Variants in SSX1 observed in about 807,000 individuals in gnomAD.
SSX1 encodes the protein protein SSX1.
SSX1 carries 58 observed loss-of-function variants against 14.6 expected under a neutral mutation model. The observed-to-expected ratio is 3.96, with a 90% CI of 3.21 to 4.93. The LOEUF is 4.93. Ranked by LOEUF, SSX1 falls within the 30% of genes most tolerant of loss-of-function variation. The pLI, the probability that SSX1 is intolerant of heterozygous loss-of-function variation, is 0.00. For synonymous variants in SSX1, 46 were observed against 52.1 expected (o/e 0.88, Z 0.50); for missense variants, 272 against 143.1 (o/e 1.90, Z -4.60).
Position 48,266,778 on chromosome X carries a change from C to A in SSX1, c.*5-76C>A, listed in dbSNP as rs782210114. 42 of 668,086 alleles carry A rather than the reference C, an allele frequency of 6.3e-5. 1 individual carries two copies. Among genetic ancestry groups the A allele is most frequent in the African/African-American group, 3.8e-4 (18 of 47,035 alleles). 55.1% of individuals were successfully genotyped at this position (668,086 alleles called of 1,213,427 possible). A position where few individuals can be genotyped will look rare whatever the true frequency, so the allele number is the denominator to read the frequency against. ...ATCAGAGTGTGCAGGGTCTGCAGGT[C>A]AGGAGGAGTTGAGGTTGAGTTATTG... On this transcript the variant is annotated intron_variant, in intron 7 of 7. Coordinates refer to ENST00000376919, the MANE Select transcript of SSX1 (RefSeq NM_005635.4).
At chrX:48,255,594 C>T (rs1283660513) in intron 1 of SSX1, among the ~76,000 whole-genome samples, 162 bp downstream of exon 1, 8 of 105,897 alleles carry the variant, frequency 7.6e-5, no homozygotes, top group Admixed American at 2.1e-4. Context: ...CCTCCCGCCT[C>T]GGCCTTGGGT....
intron 1 of SSX1, among the ~76,000 whole-genome samples, chrX:48,255,851 C>T (rs1242862178): frequency 2.5e-4 from 26 of 104,919 alleles, no homozygotes; most frequent in African/African-American, 8.4e-4. Context: ...GCAATCCTTC[C>T]GCCTCGGCCC....
intron 4 of SSX1, among the ~76,000 whole-genome samples, chrX:48,259,369 G>A (rs1474048338): frequency 2.7e-5 from 3 of 111,752 alleles, no homozygotes; most frequent in African/African-American, 6.5e-5. Context: ...GTTGAGATGC[G>A]ACTGAACTCA....
chrX:48,263,339 C>T (rs1308898242), intron 5 of SSX1, among the ~76,000 whole-genome samples: 1 of 110,646 alleles, frequency 9.0e-6, no homozygotes, highest in Non-Finnish European at 1.9e-5. Context: ...ATTCATCTCC[C>T]CACACCATCT....
chrX:48,257,869 A>G lies in SSX1; in HGVS notation c.184+9A>G. The G allele has an allele frequency of 9.2e-7, 1 of 1,090,691 alleles. No individual in the cohort carries two copies. The highest frequency in any genetic ancestry group is 1.9e-5 in the South Asian group (1 of 51,541). 89.9% of individuals were successfully genotyped at this position (1,090,691 alleles called of 1,213,427 possible). A position where few individuals can be genotyped will look rare whatever the true frequency, so the allele number is the denominator to read the frequency against. ...GGCCATGACTAAACTAGGTAACAGAAAGTTCTAGGAACAGACAAGTCTGGG... is the reference window on the plus strand; with the variant it reads ...GGCCATGACTAAACTAGGTAACAGAGAGTTCTAGGAACAGACAAGTCTGGG... On this transcript the variant is annotated intron_variant, in intron 3 of 7. Transcript: ENST00000376919.
intron 1 of SSX1, among the ~76,000 whole-genome samples, chrX:48,255,894 C>CTT (rs782152875): frequency 6.5e-5 from 5 of 77,515 alleles, no homozygotes; most frequent in African/African-American, 2.4e-4. Flanking sequence ...CCTGCCCATG[C>CTT]TTTTTTTTTT....
At chrX:48,263,027 A>G (rs1556935769) in intron 5 of SSX1, among the ~76,000 whole-genome samples, 1 of 110,348 alleles carries the variant, frequency 9.1e-6, no homozygotes, top group Non-Finnish European at 1.9e-5. Context: ...CTAGCTACTC[A>G]GGAGGCTGAG....
intron 4 of SSX1, among the ~76,000 whole-genome samples, chrX:48,259,493 C>T (rs1434782125): frequency 4.5e-5 from 5 of 110,441 alleles, no homozygotes; most frequent in Admixed American, 3.9e-4. Context: ...GGTACATGTG[C>T]ACAATGTGCA....
chrX:48,265,024 A>C (rs1422921488), intron 6 of SSX1, among the ~76,000 whole-genome samples: 1 of 111,872 alleles, frequency 8.9e-6, no homozygotes, highest in Non-Finnish European at 1.9e-5. Flanking sequence ...CTCAGCTTTC[A>C]TGGGCTTGAA....
intron 6 of SSX1, among the ~76,000 whole-genome samples, chrX:48,264,982 C>A (rs1231826854): frequency 8.9e-6 from 1 of 111,982 alleles, no homozygotes; most frequent in Admixed American, 9.5e-5. Context: ...CACAAACCAA[C>A]CTCTGCTAGT....
chrX:48,258,347 T>A (rs2059591375), intron 3 of SSX1, among the ~76,000 whole-genome samples, 189 bp from the exon 4 acceptor site: 1 of 108,102 alleles, frequency 9.3e-6, no homozygotes, highest in Non-Finnish European at 1.9e-5. Context: ...CATGCCTCCA[T>A]GCCCAACTAA....
rs781794997 is a variant in SSX1, at chrX:48,266,990, G to A, written c.*141G>A. The A allele has an allele frequency of 1.5e-4, 98 of 646,551 alleles. No individual in the cohort carries two copies. In the South Asian group the frequency reaches 2.1e-3, roughly 14 times the overall value. 53.3% of individuals were successfully genotyped at this position (646,551 alleles called of 1,213,427 possible). On this transcript the variant is annotated 3_prime_UTR_variant, in exon 8 of 8. Coordinates refer to ENST00000376919, the MANE Select transcript of SSX1 (RefSeq NM_005635.4). ...GTGTTCACAACGGTGAAACTTGAGC[G>A]TCATTTTTCTTAGTGTGCCAAGAGT... is the stretch of plus-strand genomic sequence containing the variant.
Position 48,266,260 on chromosome X carries a change from T to A in SSX1, c.467-27T>A, listed in dbSNP as rs782089182. On this transcript the variant is annotated intron_variant, in intron 6 of 7. Coordinates refer to ENST00000376919, the MANE Select transcript of SSX1 (RefSeq NM_005635.4). ...TAACACTCTTCAACGTACCCAACCC[T>A]CATCTTCCAACTCTTCTCCATCATA... is the stretch of plus-strand genomic sequence containing the variant. 13 of 1,207,812 alleles carry A rather than the reference T, an allele frequency of 1.1e-5. No individual in the cohort carries two copies. In the Admixed American group the frequency reaches 2.8e-4, roughly 26 times the overall value.
chrX:48,266,528 T>C, intron 7 of SSX1, 137 bp downstream of exon 7: 15 of 1,086,506 alleles, frequency 1.4e-5, no homozygotes, highest in Non-Finnish European at 1.9e-5. Flanking sequence ...TGAGGCTGAA[T>C]GATGAGATTT....
At chrX:48,255,678 C>T (rs2059578122) in intron 1 of SSX1, among the ~76,000 whole-genome samples, 1 of 101,788 alleles carries the variant, frequency 9.8e-6, no homozygotes, top group Non-Finnish European at 2.0e-5. Flanking sequence ...GTTATGTTGA[C>T]CAGGCTGGCC....
intron 5 of SSX1, among the ~76,000 whole-genome samples, chrX:48,262,811 C>T (rs781932583): frequency 3.7e-4 from 41 of 111,658 alleles, no homozygotes; most frequent in African/African-American, 1.2e-3. Flanking sequence ...ATGTATTATT[C>T]ACTATTTCAT....
intron 6 of SSX1, 38 bp from the exon 7 acceptor site, chrX:48,266,249 G>C (rs373191467): frequency 1.7e-5 from 20 of 1,207,492 alleles, no homozygotes; most frequent in Admixed American, 4.4e-5. Flanking sequence ...ACTCTTCAAC[G>C]TACCCAACCC....
chrX:48,258,408 C>T, intron 3 of SSX1, 128 bp from the exon 4 acceptor site: 3 of 532,794 alleles, frequency 5.6e-6, no homozygotes, highest in Non-Finnish European at 1.0e-5. Context: ...TACACAGGCT[C>T]ATCTTGAAAT....
chrX:48,263,283 C>G (rs1185172324), intron 5 of SSX1, among the ~76,000 whole-genome samples: 3 of 110,910 alleles, frequency 2.7e-5, no homozygotes, highest in African/African-American at 9.8e-5. Flanking sequence ...TCTTTGCTGC[C>G]TAGATTAATT....
Sources: gnomAD v4.1 joint callset for allele counts (sites outside exome capture counted in the v4.1 genomes callset) on GRCh38, gnomAD v4.1.1 for gene constraint, MANE v1.5 for transcripts, NCBI Gene and HGNC (gene_info 2026-07-23, HGNC 2026-07-21) for gene names.